SLC27A1: variants seen among roughly 807,000 people sequenced by gnomAD.
The protein encoded by SLC27A1 is long-chain fatty acid transport protein 1.
Under a neutral mutation model 62.2 loss-of-function variants are expected in SLC27A1, and 61 were observed. The observed-to-expected ratio is 0.98, with a 90% confidence interval of 0.80 to 1.21. SLC27A1 has a LOEUF of 1.21. SLC27A1 is among the 50% of genes most tolerant of loss of function. SLC27A1 has a pLI of 0.00. For missense variants in SLC27A1, 903 were observed against 932.1 expected (o/e 0.97, Z 0.41); for synonymous variants, 435 against 408.6 (o/e 1.06, Z -0.78).
intron 11 of SLC27A1, among the ~76,000 whole-genome samples, chr19:17,502,161 A>C (rs1006111063): frequency 5.3e-5 from 8 of 151,834 alleles, no homozygotes; most frequent in African/African-American, 1.9e-4. Flanking sequence ...GCGGACAAAC[A>C]AACCATATCC....
chr19:17,493,689 A>G (rs1174660000), intron 6 of SLC27A1, among the ~76,000 whole-genome samples: 1 of 148,796 alleles, frequency 6.7e-6, no homozygotes, highest in Non-Finnish European at 1.5e-5. Context: ...GAGTAGTGTG[A>G]TCTCGGCTCA....
intron 6 of SLC27A1, 30 bp from the exon 7 acceptor site, chr19:17,497,225 C>T (rs1387943609): frequency 6.4e-7 from 1 of 1,563,446 alleles, no homozygotes; most frequent in East Asian, 2.4e-5. Context: ...CTGCCGGTCC[C>T]ATCACCCACT....
Position 17,470,570 on chromosome 19 carries a change from G to A in SLC27A1, c.30G>A (p.Ser10=), listed in dbSNP as rs2075064845. ...GGGCTCCGGGTGCGGGCGCGGCCTC[G>A]GTGGTCTCGCTGGCGCTGTTGTGGC... MRAPGAGAA[S]VVSLALLWLL... Residue 10 remains serine, a synonymous_variant, in exon 1 of 12, where the codon TCG becomes TCA. Transcript: ENST00000252595. 6.4e-7 allele frequency: 1 copy of A among 1,568,736 alleles called. No homozygotes were observed. The highest frequency in any genetic ancestry group is 2.3e-5 in the East Asian group (1 of 42,902).
At chr19:17,495,355 C>T (rs2078405792) in intron 6 of SLC27A1, 1 of 149,244 alleles carries the variant, frequency 6.7e-6, no homozygotes, top group Non-Finnish European at 1.5e-5. Flanking sequence ...GATCTCGGCC[C>T]ACTGCAAGCT....
intron 1 of SLC27A1, among the ~76,000 whole-genome samples, chr19:17,480,541 CTTT>C (rs3079223): frequency 4.9e-4 from 55 of 111,812 alleles, no homozygotes; most frequent in African/African-American, 1.6e-3. Context: ...TAATTTTTTT[CTTT>C]TTTTTTTTTT....
chr19:17,501,282 G>A lies in SLC27A1; in HGVS notation c.1646G>A (p.Gly549Asp). ...VYGVAVPGVE[G>D]KAGMAAVADP... Reference sequence around the variant, plus strand: ...GAGCCTCTGCCTCCAGGAGTGGAGGGTAAGGCAGGGATGGCGGCCGTCGCA... The same window carrying A: ...GAGCCTCTGCCTCCAGGAGTGGAGGATAAGGCAGGGATGGCGGCCGTCGCA... The change falls in exon 11 of 12, where the codon GGT becomes GAT. Residue 549 changes from glycine to aspartate, a missense_variant. Gly to Asp is a moderately conservative substitution (Grantham distance 94). Coordinates refer to ENST00000252595, the MANE Select transcript of SLC27A1 (RefSeq NM_198580.3). The A allele has an allele frequency of 6.2e-7, 1 of 1,613,476 alleles. No homozygotes were observed. The highest frequency in any genetic ancestry group is 8.5e-7 in the Non-Finnish European group (1 of 1,179,968).
At chr19:17,473,091 C>T (rs959540649) in intron 1 of SLC27A1, among the ~76,000 whole-genome samples, 1 of 152,256 alleles carries the variant, frequency 6.6e-6, no homozygotes, top group Non-Finnish European at 1.5e-5. Flanking sequence ...CACCACCACA[C>T]CTGGCTAATT....
chr19:17,500,282 G>C lies in SLC27A1; in HGVS notation c.1211G>C (p.Gly404Ala). ...ACTCAGTTCACCCCATTCCAGGTCG[G>C]CTCCTGTGGTTTCAACAGCCGCATC... The part of the protein sequence containing the change: ...CSIANMDGKV[G>A]SCGFNSRILP... Residue 404 changes from glycine to alanine, a missense_variant, in exon 8 of 12, where the codon GGC becomes GCC. Coordinates refer to ENST00000252595, the MANE Select transcript of SLC27A1 (RefSeq NM_198580.3). 6.2e-7 allele frequency: 1 copy of C among 1,613,916 alleles called. No homozygotes were observed. Among genetic ancestry groups the C allele is most frequent in the South Asian group, 1.1e-5 (1 of 91,074 alleles).
At position 17,479,143 on chromosome 19, in the gene SLC27A1, C is replaced by T. The variant is rs372742236; in HGVS notation, c.168-7420C>T. 6.6e-5 allele frequency among the ~76,000 whole-genome samples: 10 copies of T among 152,094 alleles called. No individual in the cohort carries two copies. In the South Asian group the frequency reaches 1.5e-3, roughly 22 times the overall value. On this transcript the variant is annotated intron_variant, in intron 1 of 11. Coordinates refer to ENST00000252595, the MANE Select transcript of SLC27A1 (RefSeq NM_198580.3). Reference sequence around the variant, plus strand: ...AATTATCAGCTGGGAACAGTACTCACGCCTGGAATCCTAGTACTTTGGGAG... The same window carrying T: ...AATTATCAGCTGGGAACAGTACTCATGCCTGGAATCCTAGTACTTTGGGAG...
chr19:17,497,251 C>G lies in SLC27A1; in HGVS notation c.997-4C>G. ...ATCACCCACTTCCTCACCCCGTCCC[C>G]CAGGTGGTTCAGTACATCGGGGAGA... is the stretch of plus-strand genomic sequence containing the variant. On this transcript the variant is annotated splice_polypyrimidine_tract_variant and splice_region_variant and intron_variant, in intron 6 of 11. Transcript: ENST00000252595. The G allele has an allele frequency of 6.3e-7, 1 of 1,588,142 alleles. No individual in the cohort carries two copies. The highest frequency in any genetic ancestry group is 8.5e-7 in the Non-Finnish European group (1 of 1,171,960).
At chr19:17,482,665 A>C (rs1169385281) in intron 1 of SLC27A1, among the ~76,000 whole-genome samples, 1 of 151,502 alleles carries the variant, frequency 6.6e-6, no homozygotes, top group Non-Finnish European at 1.5e-5. Flanking sequence ...AAAAAAAAAA[A>C]AAAAAAAAAG....
At chr19:17,494,042 G>A (rs113265735) in intron 6 of SLC27A1, among the ~76,000 whole-genome samples, 3 of 140,374 alleles carry the variant, frequency 2.1e-5, no homozygotes, top group Admixed American at 7.2e-5. Context: ...TTTTTGAGAC[G>A]GAGTCTCGCT....
rs1599652742 is a variant in SLC27A1, at chr19:17,486,927, G to T, written c.532G>T (p.Ala178Ser). 1 of 1,588,042 alleles carries T rather than the reference G, an allele frequency of 6.3e-7. No homozygotes were observed. Among genetic ancestry groups the T allele is most frequent in the Non-Finnish European group, 8.5e-7 (1 of 1,174,356 alleles). Residue 178 changes from alanine (A) to serine (S), a missense_variant, in exon 2 of 12, where the codon GCC (alanine) becomes TCC (serine). Transcript: ENST00000252595. This position sits in a 1 kb window ranked among gnomAD's most constrained non-coding sequence, Gnocchi z 6.6. Reference protein sequence around the residue: ...AFCLGTSGAKALIFGGEMVAA... With the variant: ...AFCLGTSGAKSLIFGGEMVAA... ...CTGCCTGGGCACCTCGGGCGCTAAG[G>T]CCCTGATCTTTGGAGGAGAAATGGT... is the stretch of plus-strand genomic sequence containing the variant.
intron 10 of SLC27A1, among the ~76,000 whole-genome samples, 156 bp from the exon 11 acceptor site, chr19:17,501,117 G>C (rs576343854): frequency 6.6e-6 from 1 of 152,214 alleles, no homozygotes; most frequent in East Asian, 1.9e-4. Context: ...AGCCAAGCAG[G>C]AGCTCCACAA....
chr19:17,472,863 C>A (rs1568408499), intron 1 of SLC27A1, among the ~76,000 whole-genome samples: 1 of 152,040 alleles, frequency 6.6e-6, no homozygotes, highest in Admixed American at 6.6e-5. Flanking sequence ...CTCTGTTGCC[C>A]AGGGTGGACC....
At chr19:17,491,928 C>G (rs1037887169) in intron 6 of SLC27A1, among the ~76,000 whole-genome samples, 5 of 152,042 alleles carry the variant, frequency 3.3e-5, no homozygotes, top group African/African-American at 1.2e-4. Flanking sequence ...CTGTAGGTGC[C>G]TTTTCTCTTT....
chr19:17,492,465 G>C (rs957621922), intron 6 of SLC27A1: 1 of 151,874 alleles, frequency 6.6e-6, no homozygotes, highest in African/African-American at 2.4e-5. Flanking sequence ...ATAGAGGATG[G>C]GAAATTAGCT....
chr19:17,484,427 C>CA (rs2075208894), intron 1 of SLC27A1, among the ~76,000 whole-genome samples: 1 of 152,100 alleles, frequency 6.6e-6, no homozygotes, highest in Admixed American at 6.6e-5. Context: ...CCTGTCTCTA[C>CA]AAAAAATACA....
chr19:17,475,626 G>C (rs1368825215), intron 1 of SLC27A1, among the ~76,000 whole-genome samples: 1 of 152,186 alleles, frequency 6.6e-6, no homozygotes, highest in African/African-American at 2.4e-5. Flanking sequence ...ACACACAGCC[G>C]GGGAGGCACA....
Sources: allele counts gnomAD v4.1 joint callset (sites outside exome capture counted in the v4.1 genomes callset), GRCh38; gene constraint gnomAD v4.1.1; non-coding constraint Gnocchi (gnomAD v3.1); transcripts MANE v1.5; gene names NCBI Gene and HGNC (gene_info 2026-07-23, HGNC 2026-07-21).